The following MMP28 variants were observed in gnomAD, a reference collection of about 807,000 sequenced individuals.
MMP28 encodes the protein matrix metallopeptidase 28.
A neutral mutation model predicts 60.5 loss-of-function variants in MMP28; 55 were observed. That is an observed-to-expected ratio of 0.91 (90% CI 0.73 to 1.14). The LOEUF is 1.14. MMP28 is among the 50% of genes most tolerant of loss of function. The probability of loss-of-function intolerance (pLI) is 0.00; values close to 1 mark genes in which losing one functional copy is unlikely to be tolerated. For synonymous variants in MMP28, 318 were observed against 312.5 expected, an observed-to-expected ratio of 1.02 and a Z score of -0.18; for missense variants, 686 against 738.3, an observed-to-expected ratio of 0.93 and a Z score of 0.82.
At chr17:35,756,340 G>A (rs1024398788) in exon 3 of MMP28, 11 of 954,344 alleles carry the variant, frequency 1.2e-5, no homozygotes, top group South Asian at 9.7e-5. Flanking sequence ...CCAGGCACTC[G>A]GTTCCTTTCT....
intron 4 of MMP28, among the ~76,000 whole-genome samples, chr17:35,771,379 T>C (rs890528094): frequency 4.3e-4 from 58 of 133,480 alleles, no homozygotes; most frequent in African/African-American, 1.6e-3. Context: ...TGCAGTGAGC[T>C]GAGATCACGC....
At position 35,767,805 on chromosome 17, in the gene MMP28, T is replaced by C; in HGVS notation, c.1115A>G (p.Asn372Ser). Residue 372 changes from asparagine (N) to serine (S), a missense_variant, in exon 7 of 8, where the codon AAC becomes AGC. Asn to Ser is a conservative substitution (Grantham distance 46, BLOSUM62 1). Transcript: ENST00000605424. Reference protein sequence around the residue: ...LQERWVGLPPNIEAAAVSLND... With the variant: ...LQERWVGLPPSIEAAAVSLND... ...CAATGACACTGCCGCAGCCTCAATG[T>C]TGGGGGGCAGCCCGACCCATCTTTC... The C allele has an allele frequency of 6.2e-7, 1 of 1,603,474 alleles. No individual in the cohort carries two copies. The highest frequency in any genetic ancestry group is 8.5e-7 in the Non-Finnish European group (1 of 1,175,190).
chr17:35,764,228 A>AC (rs1316942175), downstream of MMP28: 10 of 1,544,504 alleles, frequency 6.5e-6, no homozygotes, highest in South Asian at 7.2e-5. Flanking sequence ...GGAGTCCAGC[A>AC]CCCAGCAGGT....
At chr17:35,779,427 T>C (rs1555608752) in intron 1 of MMP28, 104 bp from the exon 2 acceptor site, 3 of 946,454 alleles carry the variant, frequency 3.2e-6, no homozygotes, top group Non-Finnish European at 3.3e-6. Flanking sequence ...ACCTCTTGTC[T>C]TTTGCCCAAG....
intron 1 of MMP28, among the ~76,000 whole-genome samples, chr17:35,790,945 C>G (rs937987524): frequency 6.7e-6 from 1 of 150,030 alleles, no homozygotes; most frequent in African/African-American, 2.5e-5. Context: ...GCCCAGGCTG[C>G]TCTCAAACTC....
chr17:35,790,572 T>A (rs2143610574), intron 1 of MMP28, among the ~76,000 whole-genome samples: 1 of 152,304 alleles, frequency 6.6e-6, no homozygotes, highest in South Asian at 2.1e-4. Context: ...TTGTCTATTT[T>A]TTCTATTCAT....
At chr17:35,792,821 C>T (rs2086850775) in intron 1 of MMP28, among the ~76,000 whole-genome samples, 1 of 152,262 alleles carries the variant, frequency 6.6e-6, no homozygotes, top group East Asian at 1.9e-4. Context: ...CTTTCTATGT[C>T]CTATGAGCTG....
intron 3 of MMP28, among the ~76,000 whole-genome samples, chr17:35,774,340 G>A (rs1410055318): frequency 2.6e-5 from 4 of 152,106 alleles, no homozygotes; most frequent in South Asian, 2.1e-4. Flanking sequence ...TGGAAGACTC[G>A]CGGCTTGGAG....
chr17:35,786,224 T>C (rs1555610465), intron 1 of MMP28, among the ~76,000 whole-genome samples: 1 of 151,940 alleles, frequency 6.6e-6, no homozygotes. Context: ...GCCTGGGTAA[T>C]TTTTTGTATT....
chr17:35,761,399 C>T (rs1375882930), downstream of MMP28, among the ~76,000 whole-genome samples: 2 of 151,216 alleles, frequency 1.3e-5, no homozygotes, highest in Non-Finnish European at 2.9e-5. Flanking sequence ...GCATGAGCCA[C>T]TGTGCCTGGC....
At chr17:35,780,445 T>C (rs2086464895) in intron 1 of MMP28, among the ~76,000 whole-genome samples, 2 of 152,218 alleles carry the variant, frequency 1.3e-5, no homozygotes, top group South Asian at 4.1e-4. Flanking sequence ...AAAACTTGAC[T>C]CTCTAAAAGA....
At chr17:35,785,668 C>T (rs1007671075) in intron 1 of MMP28, among the ~76,000 whole-genome samples, 2 of 152,128 alleles carry the variant, frequency 1.3e-5, no homozygotes, top group African/African-American at 4.8e-5. Context: ...AGCATGGTCT[C>T]GATCTCTTGA....
At chr17:35,763,897 A>AAATAAATAAATAAAT (rs2085875311), downstream of MMP28, 4 of 654,352 alleles carry the variant, frequency 6.1e-6, no homozygotes, top group East Asian at 4.4e-5. Flanking sequence ...ACCCTGTCTC[A>AAATAAATAAATAAAT]AAATAAATAA....
chr17:35,784,207 G>T (rs1233387712), intron 1 of MMP28, among the ~76,000 whole-genome samples: 2 of 151,890 alleles, frequency 1.3e-5, no homozygotes, highest in East Asian at 3.9e-4. Context: ...GCTGGAACCC[G>T]GGAGGTGGAG....
chr17:35,774,412 C>T (rs916241951), intron 3 of MMP28, among the ~76,000 whole-genome samples: 3 of 152,178 alleles, frequency 2.0e-5, no homozygotes, highest in Non-Finnish European at 2.9e-5. Flanking sequence ...AAGGGGCCTG[C>T]CCAGGGTCCC....
chr17:35,761,419 GT>G (rs113571513), downstream of MMP28, among the ~76,000 whole-genome samples: 163 of 126,292 alleles, frequency 1.3e-3, no homozygotes, highest in Middle Eastern at 0.012. Flanking sequence ...CCTGTTTTTT[GT>G]TTTTTTTTTT....
Position 35,770,165 on chromosome 17 carries a change from G to A in MMP28, c.752C>T (p.Ser251Leu), listed in dbSNP as rs564376727. ...CGCCATGAGCGCGCGCGGCGCGGGC[G>A]AGTGGGTGAGGCCAAGCGTGTGACC... is the stretch of plus-strand genomic sequence containing the variant. Reference protein sequence around the residue: ...EIGHTLGLTHSPAPRALMAPY... With the variant: ...EIGHTLGLTHLPAPRALMAPY... The change falls in exon 5 of 8, where the codon TCG (serine) becomes TTG (leucine). Residue 251 changes from serine to leucine, a missense_variant. Ser to Leu is a moderately radical substitution (Grantham distance 145). Transcript: ENST00000605424. The A allele has an allele frequency of 3.7e-6, 6 of 1,606,834 alleles. No individual in the cohort carries two copies. The Admixed American group carries it at 6.7e-5, about 18-fold the overall frequency.
In MMP28 at chr17:35,785,915, C is replaced by T. The variant is rs192255307; in HGVS notation, c.112-6592G>A. ...TACTGTTTTACCTTTCTCGCAGGAG[C>T]ATCATCAACATCTAAGAAGATGGTC... On this transcript the variant is annotated intron_variant, in intron 1 of 7. Coordinates refer to ENST00000605424, the MANE Select transcript of MMP28 (RefSeq NM_024302.5). Among the ~76,000 whole-genome samples the T allele has an allele frequency of 5.9e-5, 9 of 152,334 alleles. No individual in the cohort carries two copies. In the East Asian group the frequency reaches 1.7e-3, roughly 29 times the overall value.
intron 2 of MMP28, chr17:35,756,539 T>A: frequency 1.8e-6 from 1 of 547,428 alleles, no homozygotes; most frequent in Non-Finnish European, 2.3e-6. Context: ...GGAATGATCT[T>A]GGCTCATTGC....
Sources: allele counts gnomAD v4.1 joint callset (sites outside exome capture counted in the v4.1 genomes callset), GRCh38; gene constraint gnomAD v4.1.1; transcripts MANE v1.5; gene names NCBI Gene and HGNC (gene_info 2026-07-23, HGNC 2026-07-21).